CCDC136: variants seen among roughly 807,000 people sequenced by gnomAD.
CCDC136 encodes the protein coiled-coil domain containing 136.
In CCDC136, 100 loss-of-function variants were observed where a neutral mutation model predicts 141.2. That is an observed-to-expected ratio of 0.71 (90% CI 0.60 to 0.84). The LOEUF (loss-of-function observed/expected upper bound fraction) is 0.84, where lower values mean the gene tolerates loss of function less well. Among genes scored for constraint, CCDC136 ranks in the 40% least tolerant of loss-of-function variants. The pLI, the probability that CCDC136 is intolerant of heterozygous loss-of-function variation, is 0.00. For missense variants in CCDC136, 1,206 were observed against 1,379.4 expected (o/e 0.87, Z 1.99); for synonymous variants, 474 against 531.9 (o/e 0.89, Z 1.50).
In CCDC136 at chr7:128,817,886, C is replaced by T; in HGVS notation, c.*5+22C>T. On this transcript the variant is annotated intron_variant, in intron 17 of 17. Transcript: ENST00000297788. This position sits in a 1 kb window ranked among gnomAD's most constrained non-coding sequence, Gnocchi z 4.6. ...GCAGGTACTGGTATTGCTTCCTCTCCTTCTGAGGGATAGAGGGAGGGTGCA... is the reference window on the plus strand; with the variant it reads ...GCAGGTACTGGTATTGCTTCCTCTCTTTCTGAGGGATAGAGGGAGGGTGCA... The T allele has an allele frequency of 1.3e-6, 2 of 1,574,130 alleles. No individual in the cohort carries two copies. The highest frequency in any genetic ancestry group is 1.7e-6 in the Non-Finnish European group (2 of 1,143,754).
intron 12 of CCDC136, chr7:128,811,478 G>T: frequency 2.3e-6 from 1 of 431,418 alleles, no homozygotes. Flanking sequence ...TGAGAAGAGG[G>T]TGTGGTAGGG....
intron 11 of CCDC136, 113 bp from the exon 12 acceptor site, chr7:128,810,026 A>G (rs1805470111): frequency 1.5e-6 from 1 of 686,752 alleles, no homozygotes; most frequent in Non-Finnish European, 2.4e-6. Flanking sequence ...TGTGAAGTCA[A>G]CCCTGAGATT....
Position 128,806,178 on chromosome 7 carries a change from G to T in CCDC136, c.1090-59G>T, listed in dbSNP as rs530840090. ...ATCTGAAAAGGAACCCAACTGATCC[G>T]TAGAAAGACCTGCTGTTTCTTGAGA... On this transcript the variant is annotated intron_variant, in intron 7 of 17. Transcript: ENST00000297788. 124 of 1,439,588 alleles carry T rather than the reference G, an allele frequency of 8.6e-5. No individual in the cohort carries two copies. The South Asian group carries it at 1.6e-3, about 19-fold the overall frequency. The allele number at this position is 1,439,588 out of a possible 1,614,324, so 89.2% of individuals were successfully genotyped here.
rs1167699294 is a variant in CCDC136 at position 128,809,433 on chromosome 7, C to G, written c.1606-17C>G. 7.0e-7 allele frequency: 1 copy of G among 1,429,632 alleles called. No homozygotes were observed. The highest frequency in any genetic ancestry group is 2.6e-5 in the East Asian group (1 of 38,912). The allele number at this position is 1,429,632 out of a possible 1,614,324, so 88.6% of individuals were successfully genotyped here. The stretch of plus-strand genomic sequence containing the variant: ...TTACAGAGTAACCACCCCCTCCACA[C>G]CCGCCCCCACCCACAGTGTGACACA... On this transcript the variant is annotated splice_polypyrimidine_tract_variant and intron_variant, in intron 10 of 17. Transcript: ENST00000297788.
At chr7:128,804,035 C>CA (rs1047425692) in intron 4 of CCDC136, among the ~76,000 whole-genome samples, 2 of 152,152 alleles carry the variant, frequency 1.3e-5, no homozygotes, top group African/African-American at 4.8e-5. Flanking sequence ...AGGCTGGTCT[C>CA]AAACTCCTGA....
At chr7:128,811,535 G>A (rs1052030805) in intron 12 of CCDC136, among the ~76,000 whole-genome samples, 9 of 152,210 alleles carry the variant, frequency 5.9e-5, no homozygotes, top group Admixed American at 2.6e-4. Context: ...CAAGGAGACA[G>A]GGATGTACCA....
intron 16 of CCDC136, among the ~76,000 whole-genome samples, chr7:128,816,757 T>C (rs1030330488): frequency 6.6e-6 from 1 of 152,228 alleles, no homozygotes; most frequent in African/African-American, 2.4e-5. Flanking sequence ...AGTTAGAGTA[T>C]TTCCTGTGTA....
chr7:128,811,797 C>G lies in CCDC136; in HGVS notation c.2029-3C>G, dbSNP rs756088988. ...GATACTGTCTCCCCACCCCTGCCCC[C>G]AGCAATCCAAGCTGCTCATGGAGCA... On this transcript the variant is annotated splice_polypyrimidine_tract_variant and splice_region_variant and intron_variant, in intron 12 of 17. Transcript: ENST00000297788. 6.4e-7 allele frequency: 1 copy of G among 1,566,684 alleles called. No individual in the cohort carries two copies. The highest frequency in any genetic ancestry group is 8.6e-7 in the Non-Finnish European group (1 of 1,160,178).
intron 14 of CCDC136, among the ~76,000 whole-genome samples, chr7:128,813,920 T>A (rs1393147880): frequency 6.6e-6 from 1 of 151,728 alleles, no homozygotes; most frequent in African/African-American, 2.4e-5. Context: ...AGGCGGAGGT[T>A]GCGGTGAGCC....
In CCDC136 at chr7:128,809,648, ACT is replaced by A. The variant is rs762644756; in HGVS notation, c.1800+7_1800+8del. The A allele has an allele frequency of 5.3e-6, 8 of 1,504,686 alleles. No homozygotes were observed. The highest frequency in any genetic ancestry group is 7.1e-6 in the Non-Finnish European group (8 of 1,123,632). 93.2% of individuals were successfully genotyped at this position (1,504,686 alleles called of 1,614,324 possible). A position where few individuals can be genotyped will look rare whatever the true frequency, so the allele number is the denominator to read the frequency against. Reference sequence around the variant, plus strand: ...AAAGAGTGGCCTCTTACTCAAGGTAACTCTGCCACAGGCAGCTGCTAACTGCG... The same window carrying A: ...AAAGAGTGGCCTCTTACTCAAGGTAACTGCCACAGGCAGCTGCTAACTGCG... On this transcript the variant is annotated splice_donor_5th_base_variant and intron_variant, in intron 11 of 17. Transcript: ENST00000297788.
upstream of CCDC136, chr7:128,791,514 C>T (rs987328047): frequency 4.6e-6 from 6 of 1,295,398 alleles, no homozygotes; most frequent in African/African-American, 3.1e-5. The surrounding 1 kb of genome is among the most constrained non-coding windows in gnomAD (Gnocchi z 7.1). Context: ...GCGCCGGAGC[C>T]GGCGCGGGAG....
Position 128,801,324 on chromosome 7 carries a change from C to T in CCDC136, c.485C>T (p.Thr162Ile), listed in dbSNP as rs765727114. 1.9e-6 allele frequency: 3 copies of T among 1,613,854 alleles called. No individual in the cohort carries two copies. The highest frequency in any genetic ancestry group is 2.5e-6 in the Non-Finnish European group (3 of 1,179,832). Residue 162 changes from threonine (T) to isoleucine (I), a missense_variant, in exon 4 of 18, where the codon ACT (threonine) becomes ATT (isoleucine). Thr to Ile is a moderately conservative substitution (Grantham distance 89). Transcript: ENST00000297788. ...CGGCAAGCAGCAGAGGATTCCGCAA[C>T]TGAACATGAGAGTGACATAGCATCC... ...SLRQAAEDSA[T>I]EHESDIASLQ...
At chr7:128,795,776 G>T (rs1442277705) in intron 3 of CCDC136, among the ~76,000 whole-genome samples, 1 of 152,078 alleles carries the variant, frequency 6.6e-6, no homozygotes, top group Non-Finnish European at 1.5e-5. Context: ...TGTAAAATGG[G>T]ACTAATTTAT....
intron 14 of CCDC136, among the ~76,000 whole-genome samples, chr7:128,813,432 A>G (rs983909982): frequency 9.9e-5 from 15 of 152,152 alleles, no homozygotes; most frequent in Non-Finnish European, 2.2e-4. Context: ...CTCTTTGTAT[A>G]CACACGGGAG....
rs1802608119 is a variant in CCDC136 at position 128,794,212 on chromosome 7, C to T, written c.17-136C>T. On this transcript the variant is annotated intron_variant, in intron 1 of 17. Coordinates refer to ENST00000297788, the MANE Select transcript of CCDC136 (RefSeq NM_022742.5). This position sits in a 1 kb window ranked among gnomAD's most constrained non-coding sequence, Gnocchi z 4.3. ...GGACTCATCTTGAGTACAGGTCTTG[C>T]CCCGGGGCTCCTTGGGGGACACCAG... 2 of 1,223,018 alleles carry T rather than the reference C, an allele frequency of 1.6e-6. No homozygotes were observed. Among genetic ancestry groups the T allele is most frequent in the South Asian group, 2.6e-5 (2 of 77,022 alleles). The allele number at this position is 1,223,018 out of a possible 1,614,324, so 75.8% of individuals were successfully genotyped here.
Position 128,817,771 on chromosome 7 carries a change from C to A in CCDC136, c.3377C>A (p.Pro1126His). The change falls in exon 17 of 18, where the codon CCC becomes CAC. Residue 1126 changes from proline (P) to histidine (H), a missense_variant. Pro to His is a moderately conservative substitution (Grantham distance 77). Coordinates refer to ENST00000297788, the MANE Select transcript of CCDC136 (RefSeq NM_022742.5). The surrounding 1 kb of genome is among the most constrained non-coding windows in gnomAD (Gnocchi z 4.6). The stretch of plus-strand genomic sequence containing the variant: ...GGTGTGTTGCAGTCATCCCCTACCC[C>A]CAATCCCCCCATCTTCTCCTTGCCT... ...LSESKKSSPT[P>H]NPPIFSLPLV... 1.2e-6 allele frequency: 2 copies of A among 1,613,714 alleles called. No homozygotes were observed. The highest frequency in any genetic ancestry group is 1.7e-6 in the Non-Finnish European group (2 of 1,179,706).
chr7:128,800,873 G>T (rs1803918163), intron 3 of CCDC136, among the ~76,000 whole-genome samples: 1 of 152,144 alleles, frequency 6.6e-6, no homozygotes, highest in Non-Finnish European at 1.5e-5. Flanking sequence ...ATGAAGTTAG[G>T]TCTTTAACTG....
chr7:128,809,178 C>G (rs950180415), intron 10 of CCDC136: 3 of 383,088 alleles, frequency 7.8e-6, no homozygotes, highest in Non-Finnish European at 1.4e-5. Context: ...GATAGCATTC[C>G]CCATCAAACT....
chr7:128,795,858 C>A (rs1006549660), intron 3 of CCDC136, among the ~76,000 whole-genome samples: 1 of 152,130 alleles, frequency 6.6e-6, no homozygotes, highest in Non-Finnish European at 1.5e-5. Flanking sequence ...CATCTCTGCC[C>A]TAATGAAGAG....
Sources: allele counts gnomAD v4.1 joint callset (sites outside exome capture counted in the v4.1 genomes callset), GRCh38; gene constraint gnomAD v4.1.1; non-coding constraint Gnocchi (gnomAD v3.1); transcripts MANE v1.5; gene names NCBI Gene and HGNC (gene_info 2026-07-23, HGNC 2026-07-21).